Variants in HIPK3 observed in about 807,000 individuals in gnomAD.
The protein encoded by HIPK3 is homeodomain interacting protein kinase 3.
Under a neutral mutation model 124.2 loss-of-function variants are expected in HIPK3, and 47 were observed. The observed-to-expected ratio is 0.38, with a 90% CI of 0.30 to 0.48. The LOEUF (loss-of-function observed/expected upper bound fraction) is 0.48. Among genes scored for constraint, HIPK3 ranks in the 20% least tolerant of loss-of-function variants. The pLI, the probability that HIPK3 is intolerant of heterozygous loss-of-function variation, is 0.98. For synonymous variants in HIPK3, 482 were observed against 515.2 expected (o/e 0.94, Z 0.87); for missense variants, 1,286 against 1,454.3 (o/e 0.88, Z 1.88).
At chr11:33,307,777 TGTGA>T (rs1565076802) in intron 2 of HIPK3, among the ~76,000 whole-genome samples, 1 of 151,968 alleles carries the variant, frequency 6.6e-6, no homozygotes, top group African/African-American at 2.4e-5. Context: ...TGTGTGTGTG[TGTGA>T]GTGAGACAGT....
chr11:33,330,273 C>T (rs143347411), intron 3 of HIPK3, among the ~76,000 whole-genome samples: 1 of 152,184 alleles, frequency 6.6e-6, no homozygotes, highest in African/African-American at 2.4e-5. Flanking sequence ...GTCATTGGCC[C>T]TTGGCATATA....
Position 33,354,274 on chromosome 11 carries a change from T to C in HIPK3, c.*706T>C, listed in dbSNP as rs1448639780. On this transcript the variant is annotated 3_prime_UTR_variant, in exon 17 of 17. Coordinates refer to ENST00000303296, the MANE Select transcript of HIPK3 (RefSeq NM_005734.5). ...TGATTTCAGGTAGTAGCTGTTTTTT[T>C]CCTTATTAAGAGGGCAGCATGTTTG... The C allele has an allele frequency of 6.5e-6, 1 of 152,690 alleles. No individual in the cohort carries two copies. Among genetic ancestry groups the C allele is most frequent in the Non-Finnish European group, 1.5e-5 (1 of 68,050 alleles). The allele number at this position is 152,690 out of a possible 1,614,324, so 9.5% of individuals were successfully genotyped here.
Position 33,347,549 on chromosome 11 carries a change from A to C in HIPK3, c.2020-80A>C, listed in dbSNP as rs1324445499. 6 of 1,574,428 alleles carry C rather than the reference A, an allele frequency of 3.8e-6. No homozygotes were observed. The African/African-American group carries it at 5.4e-5, about 14-fold the overall frequency. On this transcript the variant is annotated intron_variant, in intron 9 of 16. Coordinates refer to ENST00000303296, the MANE Select transcript of HIPK3 (RefSeq NM_005734.5). The stretch of plus-strand genomic sequence containing the variant: ...TATAATTGTTAGCTGTTACTTTTAG[A>C]TAGTTTTGAGTTTAAGATATGGTAA...
At chr11:33,344,481 A>G (rs1853436109) in intron 8 of HIPK3, among the ~76,000 whole-genome samples, 1 of 152,190 alleles carries the variant, frequency 6.6e-6, no homozygotes, top group Non-Finnish European at 1.5e-5. Context: ...AACAGCATTG[A>G]GCATAATTCT....
chr11:33,305,090 C>T (rs1254398383), intron 2 of HIPK3, among the ~76,000 whole-genome samples: 1 of 152,126 alleles, frequency 6.6e-6, no homozygotes, highest in African/African-American at 2.4e-5. Flanking sequence ...AGCCTCTGCC[C>T]GCCGAGTTCA....
At chr11:33,272,768 C>T (rs180823959) in intron 1 of HIPK3, among the ~76,000 whole-genome samples, 1 of 75,372 alleles carries the variant, frequency 1.3e-5, no homozygotes, top group African/African-American at 5.3e-5. Flanking sequence ...CTCCCTCCCT[C>T]CCTCCTCCCT....
At chr11:33,324,101 C>G (rs1186735174) in intron 2 of HIPK3, among the ~76,000 whole-genome samples, 1 of 152,176 alleles carries the variant, frequency 6.6e-6, no homozygotes, top group Admixed American at 6.5e-5. Context: ...GTCCATTAGT[C>G]AGAATTCTTG....
At chr11:33,282,244 G>C (rs1590353725) in intron 1 of HIPK3, among the ~76,000 whole-genome samples, 1 of 152,044 alleles carries the variant, frequency 6.6e-6, no homozygotes, top group East Asian at 1.9e-4. Context: ...AATTAGCTGG[G>C]CATGGTGGCA....
In HIPK3 at chr11:33,337,201, C is replaced by T. The variant is rs748886304; in HGVS notation, c.1341+7C>T. On this transcript the variant is annotated splice_region_variant and intron_variant, in intron 4 of 16. Coordinates refer to ENST00000303296, the MANE Select transcript of HIPK3 (RefSeq NM_005734.5). ...TTCTGGTTGGAGATTAAAGGTAATT[C>T]ATTAAAAAATAGAATATTTAGAAGA... 1.6e-5 allele frequency: 24 copies of T among 1,499,778 alleles called. No homozygotes were observed. The highest frequency in any genetic ancestry group is 1.7e-4 in the Middle Eastern group (1 of 5,726). The allele number at this position is 1,499,778 out of a possible 1,614,324, so 92.9% of individuals were successfully genotyped here. A position where few individuals can be genotyped will look rare whatever the true frequency, so the allele number is the denominator to read the frequency against.
intron 1 of HIPK3, among the ~76,000 whole-genome samples, chr11:33,262,863 G>T (rs1850860811): frequency 6.6e-6 from 1 of 151,510 alleles, no homozygotes. Flanking sequence ...CATGGCCTGG[G>T]CTGGAGTATA....
intron 1 of HIPK3, chr11:33,258,544 G>A (rs1440872178): frequency 3.0e-6 from 3 of 985,512 alleles, no homozygotes; most frequent in Non-Finnish European, 3.6e-6. Flanking sequence ...AGGAAGGCGT[G>A]GCGGCCGCGC....
chr11:33,273,126 T>G (rs1011112261), intron 1 of HIPK3, among the ~76,000 whole-genome samples: 6 of 151,982 alleles, frequency 3.9e-5, no homozygotes, highest in Non-Finnish European at 7.4e-5. Context: ...GAGAGTTTCC[T>G]GAAGCCATTG....
At position 33,286,913 on chromosome 11, in the gene HIPK3, G is replaced by C. The variant is rs1418651174; in HGVS notation, c.499G>C (p.Ala167Pro). 6.2e-6 allele frequency: 10 copies of C among 1,614,076 alleles called. No homozygotes were observed. The highest frequency in any genetic ancestry group is 8.5e-6 in the Non-Finnish European group (10 of 1,180,032). The change falls in exon 2 of 17, where the codon GCT (alanine) becomes CCT (proline). Residue 167 changes from alanine to proline, a missense_variant. Around this residue, in one of 3 missense-constraint regions of HIPK3, gnomAD observed 225 missense variants for 240.3 expected, o/e 0.94. Coordinates refer to ENST00000303296, the MANE Select transcript of HIPK3 (RefSeq NM_005734.5). ...GGGAAATCCAGTGACAGTTGTGACAGCTACCACAGGATCAAAACAGAATTG... is the reference window on the plus strand; with the variant it reads ...GGGAAATCCAGTGACAGTTGTGACACCTACCACAGGATCAAAACAGAATTG... The part of the protein sequence containing the change: ...NMGNPVTVVT[A>P]TTGSKQNCTT...
chr11:33,275,326 CTG>C (rs1429891857), intron 1 of HIPK3, among the ~76,000 whole-genome samples: 2 of 152,196 alleles, frequency 1.3e-5, no homozygotes, highest in African/African-American at 2.4e-5. Flanking sequence ...GTGTAAGCCA[CTG>C]TGCCCAGCCA....
intron 1 of HIPK3, among the ~76,000 whole-genome samples, chr11:33,281,746 T>A (rs919990590): frequency 8.5e-5 from 13 of 152,238 alleles, no homozygotes; most frequent in African/African-American, 3.1e-4. Flanking sequence ...CTTGCTTTTT[T>A]TCAGGTAGCA....
intron 7 of HIPK3, 49 bp downstream of exon 7, chr11:33,341,176 C>T (rs1408820705): frequency 2.2e-6 from 3 of 1,373,248 alleles, no homozygotes; most frequent in South Asian, 2.9e-5. Context: ...TTAATGATTG[C>T]GCATTTTACT....
Position 33,356,789 on chromosome 11 carries a change from A to G in HIPK3, c.*3221A>G, listed in dbSNP as rs1276104711. 6.6e-6 allele frequency: 1 copy of G among 152,070 alleles called. No individual in the cohort carries two copies. The highest frequency in any genetic ancestry group is 1.5e-5 in the Non-Finnish European group (1 of 67,956). The allele number at this position is 152,070 out of a possible 1,614,324, so 9.4% of individuals were successfully genotyped here. A position where few individuals can be genotyped will look rare whatever the true frequency, so the allele number is the denominator to read the frequency against. Reference sequence around the variant, plus strand: ...TGCTACACTAGTTTGCCATGTAGCAATTGCACTGTGCAATATTACAATAAG... The same window carrying G: ...TGCTACACTAGTTTGCCATGTAGCAGTTGCACTGTGCAATATTACAATAAG... On this transcript the variant is annotated 3_prime_UTR_variant, in exon 17 of 17. Coordinates refer to ENST00000303296, the MANE Select transcript of HIPK3 (RefSeq NM_005734.5).
chr11:33,307,363 G>A (rs1852192135), intron 2 of HIPK3, among the ~76,000 whole-genome samples: 2 of 150,528 alleles, frequency 1.3e-5, no homozygotes, highest in African/African-American at 4.9e-5. Flanking sequence ...CACTACCCAA[G>A]TCAAGTGTAT....
intron 2 of HIPK3, among the ~76,000 whole-genome samples, chr11:33,291,565 A>G (rs1032396628): frequency 1.6e-4 from 24 of 152,180 alleles, no homozygotes; most frequent in African/African-American, 5.5e-4. Flanking sequence ...AGTACGTGCT[A>G]AGGGCATTGA....
Sources: gnomAD v4.1 joint callset for allele counts (sites outside exome capture counted in the v4.1 genomes callset) on GRCh38, gnomAD v4.1.1 for gene constraint, gnomAD v4.1.1 regional missense constraint, MANE v1.5 for transcripts, NCBI Gene and HGNC (gene_info 2026-07-23, HGNC 2026-07-21) for gene names.